NLGN4X: variants seen among roughly 807,000 people sequenced by gnomAD.
NLGN4X encodes the protein neuroligin-4, X-linked.
Under a neutral mutation model 40.3 loss-of-function variants are expected in NLGN4X, and 3 were observed. That is an observed-to-expected ratio of 0.07 (90% CI 0.03 to 0.19). The LOEUF (loss-of-function observed/expected upper bound fraction) is 0.19, where lower values mean the gene tolerates loss of function less well. NLGN4X is among the 10% of genes least tolerant of loss of function. NLGN4X has a pLI of 1.00. For missense variants in NLGN4X, 382 were observed against 708.3 expected, an observed-to-expected ratio of 0.54 and a Z score of 5.23; for synonymous variants, 270 against 306.8, an observed-to-expected ratio of 0.88 and a Z score of 1.25.
At chrX:6,103,766 G>A (rs2038973827) in intron 2 of NLGN4X, among the ~76,000 whole-genome samples, 1 of 111,645 alleles carries the variant, frequency 9.0e-6, no homozygotes, top group South Asian at 3.7e-4. Flanking sequence ...TAATACATCA[G>A]TATTTTATTT....
At chrX:6,176,117 G>A (rs948549912) in intron 1 of NLGN4X, among the ~76,000 whole-genome samples, 1 of 111,318 alleles carries the variant, frequency 9.0e-6, no homozygotes, top group Non-Finnish European at 1.9e-5. Flanking sequence ...GCTGGCCAAA[G>A]GGTAAGAATT....
At chrX:6,005,095 AT>A (rs1479395720) in intron 3 of NLGN4X, among the ~76,000 whole-genome samples, 2 of 112,013 alleles carry the variant, frequency 1.8e-5, no homozygotes, top group Admixed American at 9.5e-5. Flanking sequence ...GCTTCTTTCA[AT>A]TGTATTTTAC....
intron 3 of NLGN4X, among the ~76,000 whole-genome samples, chrX:5,948,363 T>C (rs1159500034): frequency 8.9e-6 from 1 of 112,323 alleles, no homozygotes; most frequent in Non-Finnish European, 1.9e-5. Context: ...CCTTTTGCTA[T>C]CCAATGGAAA....
chrX:6,078,745 G>A (rs760299066), intron 2 of NLGN4X, among the ~76,000 whole-genome samples: 2 of 111,039 alleles, frequency 1.8e-5, no homozygotes, highest in South Asian at 3.9e-4. Flanking sequence ...CTAAGGAATG[G>A]TTGCAGGGTA....
At chrX:5,985,595 A>AT (rs1204015846) in intron 3 of NLGN4X, among the ~76,000 whole-genome samples, 1 of 111,709 alleles carries the variant, frequency 9.0e-6, no homozygotes. Context: ...GGCCTGAATG[A>AT]TTTTTTAAAA....
intron 2 of NLGN4X, among the ~76,000 whole-genome samples, chrX:6,127,121 C>T (rs1361368140): frequency 9.0e-6 from 1 of 111,148 alleles, no homozygotes; most frequent in Admixed American, 9.6e-5. Context: ...GCAGGTAATC[C>T]GGAGGGCAGA....
intron 2 of NLGN4X, among the ~76,000 whole-genome samples, chrX:6,050,985 C>T (rs1042555667): frequency 2.7e-5 from 3 of 111,252 alleles, no homozygotes; most frequent in African/African-American, 9.8e-5. Context: ...AAGGAGAGTC[C>T]CCACAAGATG....
At chrX:5,997,603 TATATATATACAC>T (rs1196590109) in intron 3 of NLGN4X, among the ~76,000 whole-genome samples, 1 of 14,423 alleles carries the variant, frequency 6.9e-5, no homozygotes, top group African/African-American at 2.9e-4. Flanking sequence ...TATATACACA[TATATATATACAC>T]ATATATATAT....
intron 3 of NLGN4X, among the ~76,000 whole-genome samples, chrX:5,988,753 T>C (rs1469948694): frequency 8.9e-6 from 1 of 112,707 alleles, no homozygotes; most frequent in Non-Finnish European, 1.9e-5. Flanking sequence ...ATTTTGATTT[T>C]CTTTTCAATG....
At chrX:5,918,773 G>T (rs2032912783) in intron 3 of NLGN4X, among the ~76,000 whole-genome samples, 1 of 112,006 alleles carries the variant, frequency 8.9e-6, no homozygotes, top group South Asian at 3.8e-4. Context: ...TGCATAACTG[G>T]GATGTCTTTT....
At chrX:6,071,822 G>A (rs2038070615) in intron 2 of NLGN4X, among the ~76,000 whole-genome samples, 1 of 111,295 alleles carries the variant, frequency 9.0e-6, no homozygotes, top group African/African-American at 3.3e-5. Context: ...TGGCTGCTGG[G>A]GAGCATAAAA....
chrX:5,893,897 TAGC>T (rs1308922046), intron 5 of NLGN4X, among the ~76,000 whole-genome samples: 5 of 112,224 alleles, frequency 4.5e-5, no homozygotes, highest in Non-Finnish European at 7.5e-5. Context: ...TAAATCCTGA[TAGC>T]AGCATTATGC....
At chrX:6,226,081 G>T (rs1602460204) in intron 1 of NLGN4X, among the ~76,000 whole-genome samples, 2 of 79,141 alleles carry the variant, frequency 2.5e-5, no homozygotes, top group Admixed American at 3.6e-4. Context: ...CTCACTCCCC[G>T]CAGACTCGCC....
rs986229672 is a variant in NLGN4X at position 5,919,164 on chromosome X, A to G, written c.626-9925T>C. ...ATTTTAAGCAACCATCATAGTAACA[A>G]TTCTCCACTTCAGAACTTTTATCTC... On this transcript the variant is annotated intron_variant, in intron 3 of 5. Coordinates refer to ENST00000381095, the MANE Select transcript of NLGN4X (RefSeq NM_181332.3). Among the ~76,000 whole-genome samples, 4 of 111,883 alleles carry G rather than the reference A, an allele frequency of 3.6e-5. No individual in the cohort carries two copies. In the East Asian group the frequency reaches 1.1e-3, roughly 32 times the overall value.
chrX:6,120,108 G>A (rs1202112243), intron 2 of NLGN4X, among the ~76,000 whole-genome samples: 1 of 111,229 alleles, frequency 9.0e-6, no homozygotes, highest in East Asian at 2.8e-4. Context: ...ACTGAAGCCC[G>A]AAGCTGCAAT....
At chrX:6,142,563 T>C (rs768346131) in intron 2 of NLGN4X, among the ~76,000 whole-genome samples, 1 of 112,707 alleles carries the variant, frequency 8.9e-6, no homozygotes, top group East Asian at 2.8e-4. Context: ...TGCATGTTGA[T>C]GTTGATTGGT....
chrX:5,898,863 G>T (rs909402276), intron 5 of NLGN4X, among the ~76,000 whole-genome samples: 2 of 111,825 alleles, frequency 1.8e-5, no homozygotes, highest in African/African-American at 6.5e-5. Context: ...TTCTCCTTGC[G>T]GGCATCAGTT....
intron 3 of NLGN4X, among the ~76,000 whole-genome samples, chrX:5,935,385 T>C (rs2033699663): frequency 8.9e-6 from 1 of 112,190 alleles, no homozygotes; most frequent in African/African-American, 3.2e-5. Flanking sequence ...TGATACAACA[T>C]TGGAAGCCTT....
intron 3 of NLGN4X, among the ~76,000 whole-genome samples, chrX:6,002,727 C>A (rs868360781): frequency 9.0e-6 from 1 of 111,542 alleles, no homozygotes; most frequent in South Asian, 3.8e-4. Context: ...TTTTCCCACT[C>A]GACTGCTGCC....
Sources: gnomAD v4.1 joint callset for allele counts (sites outside exome capture counted in the v4.1 genomes callset) on GRCh38, gnomAD v4.1.1 for gene constraint, MANE v1.5 for transcripts, NCBI Gene and HGNC (gene_info 2026-07-23, HGNC 2026-07-21) for gene names.